The following RORA variants were observed in gnomAD, a reference collection of about 807,000 sequenced individuals.
RORA encodes RAR related orphan receptor A.
Under a neutral mutation model 69.5 loss-of-function variants are expected in RORA, and 7 were observed. That is an observed-to-expected ratio of 0.10 (90% CI 0.06 to 0.19). RORA has a LOEUF of 0.19. Ranked by LOEUF, RORA falls within the 10% of genes least tolerant of loss-of-function variation. The probability of loss-of-function intolerance (pLI) is 1.00; values close to 1 mark genes in which losing one functional copy is unlikely to be tolerated. For synonymous variants in RORA, 261 were observed against 240.8 expected (o/e 1.08, Z -0.78); for missense variants, 457 against 663.0 (o/e 0.69, Z 3.41).
chr15:60,899,804 G>A (rs1891335083), intron 1 of RORA, among the ~76,000 whole-genome samples: 1 of 152,204 alleles, frequency 6.6e-6, no homozygotes, highest in African/African-American at 2.4e-5. Flanking sequence ...CAGGGAATGT[G>A]TGTACAGAAT....
intron 1 of RORA, among the ~76,000 whole-genome samples, chr15:60,856,928 G>A (rs1279509168): frequency 1.3e-5 from 2 of 152,214 alleles, no homozygotes; most frequent in African/African-American, 4.8e-5. Context: ...AAAAGAGGAA[G>A]GATGAGGAAT....
At chr15:61,016,198 C>A (rs1895279393) in intron 1 of RORA, among the ~76,000 whole-genome samples, 1 of 152,108 alleles carries the variant, frequency 6.6e-6, no homozygotes, top group Non-Finnish European at 1.5e-5. Context: ...TAAGACGGTG[C>A]TAATAATGGC....
At chr15:61,064,127 C>T (rs897634204) in intron 1 of RORA, among the ~76,000 whole-genome samples, 3 of 152,150 alleles carry the variant, frequency 2.0e-5, no homozygotes, top group African/African-American at 7.2e-5. Context: ...AATTAGAGGA[C>T]AGAGTGATCA....
intron 1 of RORA, among the ~76,000 whole-genome samples, chr15:60,746,788 A>G (rs550825338): frequency 2.4e-4 from 36 of 152,346 alleles, no homozygotes; most frequent in African/African-American, 8.4e-4. Flanking sequence ...GTGGTCATAA[A>G]AAATATCTTT....
At chr15:60,592,708 G>A in intron 2 of RORA, 1 of 1,060,928 alleles carries the variant, frequency 9.4e-7, no homozygotes, top group Non-Finnish European at 1.1e-6. Flanking sequence ...GGGCAGGTGA[G>A]TAGCAGCGGC....
chr15:60,523,061 A>ACACACAAAAAAAAC (rs1567058770), intron 3 of RORA, among the ~76,000 whole-genome samples: 23 of 151,596 alleles, frequency 1.5e-4, no homozygotes, highest in Non-Finnish European at 3.4e-4. Flanking sequence ...AAAAAAAAAA[A>ACACACAAAAAAAAC]CTGATGAAAA....
chr15:60,641,405 G>A (rs2069942246), intron 2 of RORA, among the ~76,000 whole-genome samples: 1 of 152,068 alleles, frequency 6.6e-6, no homozygotes, highest in Non-Finnish European at 1.5e-5. Flanking sequence ...AAAAATCTAT[G>A]TCCTTTCCAT....
In RORA at chr15:60,942,479, C is replaced by A. The variant is rs1316597231; in HGVS notation, c.167-263793G>T. On this transcript the variant is annotated intron_variant, in intron 1 of 10. Transcript: ENST00000335670. ...AGCAAGATGTTCGGCAATTATTTGC[C>A]CATGGATGAAAAGGTGTATGCTTAG... is the stretch of plus-strand genomic sequence containing the variant. Among the ~76,000 whole-genome samples the A allele has an allele frequency of 2.6e-5, 4 of 152,132 alleles. No homozygotes were observed. In the East Asian group the frequency reaches 7.7e-4, roughly 29 times the overall value.
intron 1 of RORA, among the ~76,000 whole-genome samples, chr15:61,161,747 C>G (rs2079497816): frequency 6.6e-6 from 1 of 152,110 alleles, no homozygotes; most frequent in Non-Finnish European, 1.5e-5. Context: ...CAGGCAATTT[C>G]TTCTCATAGC....
At chr15:60,528,970 G>A (rs2066448326) in intron 3 of RORA, 1 of 152,142 alleles carries the variant, frequency 6.6e-6, no homozygotes, top group African/African-American at 2.4e-5. Flanking sequence ...CAAAGGGGTT[G>A]GGGAGAGGAT....
chr15:60,583,457 G>C (rs1210071410), intron 2 of RORA, among the ~76,000 whole-genome samples: 1 of 152,204 alleles, frequency 6.6e-6, no homozygotes, highest in African/African-American at 2.4e-5. Context: ...CTGCTAAGTG[G>C]TCACAGTATT....
intron 1 of RORA, among the ~76,000 whole-genome samples, chr15:61,206,128 G>A (rs370574203): frequency 2.0e-5 from 3 of 151,644 alleles, no homozygotes; most frequent in Admixed American, 6.6e-5. Context: ...ATCACATACC[G>A]AACTCTAGGA....
At chr15:60,651,863 G>A (rs1438997945) in intron 2 of RORA, among the ~76,000 whole-genome samples, 2 of 152,204 alleles carry the variant, frequency 1.3e-5, no homozygotes, top group Non-Finnish European at 2.9e-5. Context: ...TATCAGGCTT[G>A]AGCCCTGAGG....
chr15:60,928,521 AAT>A (rs1892280527), intron 1 of RORA, among the ~76,000 whole-genome samples: 1 of 152,182 alleles, frequency 6.6e-6, no homozygotes, highest in Non-Finnish European at 1.5e-5. Flanking sequence ...TTGCCAAATG[AAT>A]AGACTAAGTA....
intron 1 of RORA, among the ~76,000 whole-genome samples, chr15:60,923,396 T>C (rs1384561915): frequency 1.3e-5 from 2 of 152,114 alleles, no homozygotes; most frequent in African/African-American, 4.8e-5. Context: ...ACCTGGCACA[T>C]AGTGGGCCCT....
intron 2 of RORA, among the ~76,000 whole-genome samples, chr15:60,569,421 TAAAAAG>T (rs1371116823): frequency 6.6e-6 from 1 of 152,012 alleles, no homozygotes; most frequent in Non-Finnish European, 1.5e-5. Context: ...CCTGTCTCTT[TAAAAAG>T]AAAAAGAAAA....
intron 2 of RORA, among the ~76,000 whole-genome samples, chr15:60,620,196 A>G (rs897442465): frequency 6.6e-6 from 1 of 152,240 alleles, no homozygotes; most frequent in African/African-American, 2.4e-5. Flanking sequence ...TTACAGATGG[A>G]TCTGAATAAT....
intron 1 of RORA, among the ~76,000 whole-genome samples, chr15:60,771,120 G>T (rs2072066327): frequency 6.6e-6 from 1 of 152,154 alleles, no homozygotes; most frequent in African/African-American, 2.4e-5. Context: ...TCTTAAGGTA[G>T]GACTTCTGGG....
At chr15:61,206,319 T>C (rs1357647525) in intron 1 of RORA, among the ~76,000 whole-genome samples, 2 of 152,198 alleles carry the variant, frequency 1.3e-5, no homozygotes, top group African/African-American at 4.8e-5. Flanking sequence ...TCAGGCATTA[T>C]TGTGAACACT....
Sources: allele counts gnomAD v4.1 joint callset (sites outside exome capture counted in the v4.1 genomes callset), GRCh38; gene constraint gnomAD v4.1.1; transcripts MANE v1.5; gene names NCBI Gene and HGNC (gene_info 2026-07-23, HGNC 2026-07-21).